The following MAP3K13 variants were observed in gnomAD, a reference collection of about 807,000 sequenced individuals.
MAP3K13 encodes mitogen-activated protein kinase kinase kinase 13, also known as leucine zipper-bearing kinase.
A neutral mutation model predicts 104.0 loss-of-function variants in MAP3K13; 52 were observed. That is an observed-to-expected ratio of 0.50 (90% CI 0.40 to 0.63). The LOEUF is 0.63. MAP3K13 is among the 20% of genes least tolerant of loss of function. The pLI is 0.00. For missense variants in MAP3K13, 914 were observed against 1,218.5 expected (o/e 0.75, Z 3.72); for synonymous variants, 394 against 442.2 (o/e 0.89, Z 1.37).
Position 185,454,859 on chromosome 3 carries a change from GAT to G in MAP3K13, c.1278+3473_1278+3474del, listed in dbSNP as rs1259041535. Among the ~76,000 whole-genome samples, 24 of 46,682 alleles carry G rather than the reference GAT, an allele frequency of 5.1e-4. 3 individuals carry two copies. Among genetic ancestry groups the G allele is most frequent in the African/African-American group, 1.3e-3 (19 of 15,146 alleles). The allele number at this position is 46,682 out of a possible 152,430, so 30.6% of individuals were successfully genotyped here. A position where few individuals can be genotyped will look rare whatever the true frequency, so the allele number is the denominator to read the frequency against. ...TGATATATATATGAGATATATACATGATATATATATGAGATATATATATGATA... is the reference window on the plus strand; with the variant it reads ...TGATATATATATGAGATATATACATGATATATATGAGATATATATATGATA... On this transcript the variant is annotated intron_variant, in intron 7 of 13. Transcript: ENST00000265026.
At chr3:185,307,583 C>T (rs572206044) in intron 2 of MAP3K13, among the ~76,000 whole-genome samples, 8 of 122,408 alleles carry the variant, frequency 6.5e-5, no homozygotes, top group Middle Eastern at 6.7e-3. Context: ...TACTCTGTCG[C>T]CCAGAGCTGT....
intron 1 of MAP3K13, among the ~76,000 whole-genome samples, chr3:185,378,915 A>G (rs1724571716): frequency 6.6e-6 from 1 of 152,190 alleles, no homozygotes. Context: ...GCAGTGTTGC[A>G]GAAGAAAATA....
Position 185,297,044 on chromosome 3 carries a change from G to T in MAP3K13, c.-86+11401G>T, listed in dbSNP as rs1720940053. Among the ~76,000 whole-genome samples, 5 of 152,234 alleles carry T rather than the reference G, an allele frequency of 3.3e-5. No individual in the cohort carries two copies. In the South Asian group the frequency reaches 1.0e-3, roughly 32 times the overall value. On this transcript the variant is annotated intron_variant, in intron 2 of 14. Coordinates refer to the MAP3K13 transcript ENST00000424227. ...TCAGAAATGATTGAACTGGAATCAA[G>T]AATTTGTTCTCTGGCACAGGTCACA...
chr3:185,337,102 A>T (rs867913290), intron 2 of MAP3K13, among the ~76,000 whole-genome samples: 12 of 152,216 alleles, frequency 7.9e-5, no homozygotes, highest in African/African-American at 2.9e-4. Flanking sequence ...ATGAGTTCTC[A>T]CTATGTTGCC....
chr3:185,439,195 C>G (rs1171617901), intron 3 of MAP3K13, among the ~76,000 whole-genome samples: 1 of 151,988 alleles, frequency 6.6e-6, no homozygotes, highest in Admixed American at 6.6e-5. Context: ...AAGCATTCAA[C>G]CAGGACACTA....
chr3:185,371,154 C>CA lies in MAP3K13; in HGVS notation c.-86+7796dup, dbSNP rs200001035. Among the ~76,000 whole-genome samples, 108 of 145,154 alleles carry CA rather than the reference C, an allele frequency of 7.4e-4. 1 individual carries two copies. In the East Asian group the frequency reaches 0.012, roughly 16 times the overall value. ...GGTATTTTAAATTTGTAGATTTTGT[C>CA]AAAAAAAAAAGATAAATTTTAAAAT... is the stretch of plus-strand genomic sequence containing the variant. On this transcript the variant is annotated intron_variant, in intron 1 of 13. Coordinates refer to ENST00000265026, the MANE Select transcript of MAP3K13 (RefSeq NM_004721.5).
At chr3:185,350,507 C>T (rs1723101339) in intron 2 of MAP3K13, among the ~76,000 whole-genome samples, 1 of 152,010 alleles carries the variant, frequency 6.6e-6, no homozygotes, top group Non-Finnish European at 1.5e-5. Flanking sequence ...CTTTTATGAC[C>T]ATTGTCACTT....
At chr3:185,330,425 G>A (rs1241292104) in intron 2 of MAP3K13, among the ~76,000 whole-genome samples, 2 of 151,788 alleles carry the variant, frequency 1.3e-5, no homozygotes, top group African/African-American at 4.8e-5. Flanking sequence ...AAGGCTCTAG[G>A]GCTACAATGA....
chr3:185,295,792 A>T (rs1720900838), intron 2 of MAP3K13, among the ~76,000 whole-genome samples: 1 of 152,200 alleles, frequency 6.6e-6, no homozygotes, highest in African/African-American at 2.4e-5. Context: ...TGACTGGTGC[A>T]TGTTTTATTA....
At chr3:185,475,804 T>C (rs949723865) in intron 11 of MAP3K13, among the ~76,000 whole-genome samples, 14 of 152,086 alleles carry the variant, frequency 9.2e-5, no homozygotes, top group African/African-American at 3.1e-4. Context: ...TGAGCCAAGA[T>C]TGCACCACTG....
intron 1 of MAP3K13, among the ~76,000 whole-genome samples, chr3:185,396,294 C>T (rs566288691): frequency 5.3e-5 from 8 of 152,148 alleles, no homozygotes; most frequent in African/African-American, 1.4e-4. Context: ...TGCATGAACC[C>T]GGGAGGCGGG....
intron 7 of MAP3K13, among the ~76,000 whole-genome samples, chr3:185,455,704 AGATATATATGAGATATATAT>A (rs1577590042): frequency 4.9e-3 from 70 of 14,166 alleles, no homozygotes; most frequent in Non-Finnish European, 0.012. Flanking sequence ...TATATATATG[AGATATATATGAGATATATAT>A]GATATATATA....
chr3:185,399,673 A>G (rs62290210), intron 1 of MAP3K13, among the ~76,000 whole-genome samples: 1,176 of 8,788 alleles, frequency 0.13, 253 homozygotes, highest in East Asian at 0.22. Flanking sequence ...GAAGGAAGGA[A>G]GGAAGGAAGG....
chr3:185,421,496 C>G (rs1052574386), intron 1 of MAP3K13, among the ~76,000 whole-genome samples: 1 of 152,206 alleles, frequency 6.6e-6, no homozygotes, highest in Non-Finnish European at 1.5e-5. Context: ...CCGCACCTGG[C>G]TCCCATAGTA....
At chr3:185,471,725 G>A (rs1247523223) in intron 10 of MAP3K13, among the ~76,000 whole-genome samples, 1 of 152,178 alleles carries the variant, frequency 6.6e-6, no homozygotes, top group African/African-American at 2.4e-5. Context: ...CTCCCAAAGT[G>A]CTGGGATTAT....
chr3:185,344,837 G>A (rs1180094399), intron 2 of MAP3K13, among the ~76,000 whole-genome samples: 2 of 151,572 alleles, frequency 1.3e-5, no homozygotes, highest in East Asian at 3.9e-4. Flanking sequence ...CTTCTATAAT[G>A]TTATTGGAAA....
At chr3:185,324,396 G>T (rs1721974954) in intron 2 of MAP3K13, among the ~76,000 whole-genome samples, 1 of 151,896 alleles carries the variant, frequency 6.6e-6, no homozygotes, top group Non-Finnish European at 1.5e-5. Flanking sequence ...TTTTCAATTA[G>T]GTTGTTTATT....
intron 1 of MAP3K13, among the ~76,000 whole-genome samples, chr3:185,397,892 A>AT (rs1560084793): frequency 6.6e-6 from 1 of 152,088 alleles, no homozygotes; most frequent in Non-Finnish European, 1.5e-5. Context: ...GCCTGCCCAT[A>AT]TGCCAGTAAG....
chr3:185,465,664 A>G, intron 8 of MAP3K13, 83 bp from the exon 9 acceptor site: 1 of 909,850 alleles, frequency 1.1e-6, no homozygotes, highest in Non-Finnish European at 1.8e-6. Flanking sequence ...TTTGTGATCA[A>G]TCATCCTGTT....
Sources: allele counts gnomAD v4.1 joint callset (sites outside exome capture counted in the v4.1 genomes callset), GRCh38; gene constraint gnomAD v4.1.1; transcripts MANE v1.5; gene names NCBI Gene and HGNC (gene_info 2026-07-23, HGNC 2026-07-21).